Variants in RNF138 observed in about 807,000 individuals in gnomAD.
RNF138 encodes the protein E3 ubiquitin-protein ligase RNF138.
Under a neutral mutation model 31.0 loss-of-function variants are expected in RNF138, and 12 were observed. The observed-to-expected ratio is 0.39, with a 90% CI of 0.25 to 0.63. RNF138 has a LOEUF of 0.63. Among genes scored for constraint, RNF138 ranks in the 20% least tolerant of loss-of-function variants. The pLI, the probability that RNF138 is intolerant of heterozygous loss-of-function variation, is 0.52. For synonymous variants in RNF138, 105 were observed against 99.5 expected (o/e 1.06, Z -0.33); for missense variants, 192 against 300.1 (o/e 0.64, Z 2.66).
At chr18:32,117,048 CCCA>C (rs2040228959) in intron 4 of RNF138, among the ~76,000 whole-genome samples, 1 of 151,746 alleles carries the variant, frequency 6.6e-6, no homozygotes, top group African/African-American at 2.4e-5. Flanking sequence ...ATTACAGGTG[CCCA>C]CCACCACGCC....
At chr18:32,109,154 TTTC>T (rs1323068182) in intron 2 of RNF138, among the ~76,000 whole-genome samples, 4 of 134,658 alleles carry the variant, frequency 3.0e-5, no homozygotes, top group East Asian at 2.2e-4. Context: ...TGTCTTTTTC[TTTC>T]TTTTTTTTTT....
chr18:32,130,799 T>C lies in RNF138; in HGVS notation c.*1612T>C, dbSNP rs1236233590. ...GTAATAACAACCACAAGAAAAGCCA[T>C]ACATCTTAATGAACATACGCCTTTG... is the stretch of plus-strand genomic sequence containing the variant. On this transcript the variant is annotated 3_prime_UTR_variant, in exon 8 of 8. Coordinates refer to ENST00000261593, the MANE Select transcript of RNF138 (RefSeq NM_016271.5). 2.6e-5 allele frequency: 4 copies of C among 152,482 alleles called. No homozygotes were observed. The highest frequency in any genetic ancestry group is 4.4e-5 in the Non-Finnish European group (3 of 67,904). 9.4% of individuals were successfully genotyped at this position (152,482 alleles called of 1,614,324 possible). A position where few individuals can be genotyped will look rare whatever the true frequency, so the allele number is the denominator to read the frequency against.
At position 32,092,842 on chromosome 18, in the gene RNF138, G is replaced by A. The variant is rs763600563; in HGVS notation, c.66G>A (p.Gln22=). The change falls in exon 2 of 8, where the codon CAG becomes CAA. Residue 22 remains glutamine, a synonymous_variant. Coordinates refer to ENST00000261593, the MANE Select transcript of RNF138 (RefSeq NM_016271.5). ...ATGATTTCTACTGCCCCGTCTGTCA[G>A]GAGGTGCTCAAAACGCCCGTGCGGA... is the stretch of plus-strand genomic sequence containing the variant. ...TEDDFYCPVC[Q]EVLKTPVRTT... The A allele has an allele frequency of 2.5e-6, 4 of 1,596,016 alleles. 1 individual carries two copies. In the South Asian group the frequency reaches 4.6e-5, roughly 18 times the overall value.
At chr18:32,104,319 T>G (rs2039993046) in intron 2 of RNF138, among the ~76,000 whole-genome samples, 1 of 151,522 alleles carries the variant, frequency 6.6e-6, no homozygotes, top group Admixed American at 6.6e-5. Context: ...GGCCTAAAAG[T>G]TTAAAAAAAA....
intron 3 of RNF138, among the ~76,000 whole-genome samples, chr18:32,113,424 T>C (rs2040166105): frequency 6.6e-6 from 1 of 152,166 alleles, no homozygotes; most frequent in Non-Finnish European, 1.5e-5. Context: ...TAATAAGACA[T>C]GCCCAATAGC....
At chr18:32,128,390 TAGCTGGG>T (rs2040417346) in intron 7 of RNF138, among the ~76,000 whole-genome samples, 3 of 152,200 alleles carry the variant, frequency 2.0e-5, no homozygotes, top group Admixed American at 1.3e-4. Flanking sequence ...ATACAAAAAT[TAGCTGGG>T]TGTGGTGGTA....
At chr18:32,125,049 G>A (rs2040363016) in intron 6 of RNF138, 2 of 501,798 alleles carry the variant, frequency 4.0e-6, no homozygotes, top group Admixed American at 6.4e-5. Flanking sequence ...TATAAAAAGG[G>A]AGATGCATAG....
intron 4 of RNF138, among the ~76,000 whole-genome samples, chr18:32,116,403 C>CTTTTT (rs930732380): frequency 1.3e-5 from 2 of 151,336 alleles, no homozygotes; most frequent in Non-Finnish European, 2.9e-5. Flanking sequence ...CTAGAATGAG[C>CTTTTT]TTTTTAGTCT....
In RNF138 at chr18:32,091,898, C is replaced by T. The variant is rs1188670636; in HGVS notation, c.-415C>T. ...CGCCGTGCGCCGGTTGCTATACAGG[C>T]CGCACTTCACACCCCGTGCCTCCCC... On this transcript the variant is annotated 5_prime_UTR_variant, in exon 1 of 8. Coordinates refer to ENST00000261593, the MANE Select transcript of RNF138 (RefSeq NM_016271.5). 6.6e-6 allele frequency: 1 copy of T among 152,248 alleles called. No homozygotes were observed. Among genetic ancestry groups the T allele is most frequent in the Non-Finnish European group, 1.5e-5 (1 of 68,090 alleles). The allele number at this position is 152,248 out of a possible 1,614,324, so 9.4% of individuals were successfully genotyped here.
At chr18:32,102,493 G>T (rs912290754) in intron 2 of RNF138, among the ~76,000 whole-genome samples, 2 of 151,970 alleles carry the variant, frequency 1.3e-5, no homozygotes, top group African/African-American at 2.4e-5. Flanking sequence ...GAGCCACTGT[G>T]CCTGGCCCTT....
chr18:32,109,706 G>A (rs1264150532), intron 2 of RNF138, among the ~76,000 whole-genome samples: 1 of 152,128 alleles, frequency 6.6e-6, no homozygotes, highest in Non-Finnish European at 1.5e-5. Context: ...TGAGCAACTG[G>A]CAAAATCCCA....
intron 2 of RNF138, chr18:32,109,432 A>G (rs1423020068): frequency 6.6e-6 from 1 of 151,930 alleles, no homozygotes; most frequent in African/African-American, 2.4e-5. Context: ...GTGCCTGGCC[A>G]TTGTTTTATT....
chr18:32,094,842 C>G (rs1412732527), intron 2 of RNF138, among the ~76,000 whole-genome samples: 1 of 152,120 alleles, frequency 6.6e-6, no homozygotes, highest in Non-Finnish European at 1.5e-5. Flanking sequence ...TCCTTTGGGT[C>G]ATTGACCTAA....
intron 7 of RNF138, among the ~76,000 whole-genome samples, chr18:32,127,881 C>A (rs2040407449): frequency 6.6e-6 from 1 of 151,824 alleles, no homozygotes; most frequent in Non-Finnish European, 1.5e-5. Flanking sequence ...GAGATTGAGA[C>A]CATCCTGGCT....
At chr18:32,094,493 T>C (rs1216133282) in intron 2 of RNF138, among the ~76,000 whole-genome samples, 5 of 152,142 alleles carry the variant, frequency 3.3e-5, no homozygotes, top group Non-Finnish European at 7.3e-5. Context: ...CTTAGGGAAA[T>C]GTTTTGAGGG....
At chr18:32,097,544 T>C (rs1244288088) in intron 2 of RNF138, among the ~76,000 whole-genome samples, 2 of 152,046 alleles carry the variant, frequency 1.3e-5, no homozygotes, top group Non-Finnish European at 2.9e-5. Flanking sequence ...AGTGCAGTGG[T>C]GGGATCTTGG....
chr18:32,103,828 C>T lies in RNF138; in HGVS notation c.111-7926C>T, dbSNP rs973838782. ...AATACAAAAAAAAATTAGCCGGGCG[C>T]GGTGGCGGGCACCTGTAGTCCCAGC... On this transcript the variant is annotated intron_variant, in intron 2 of 7. Coordinates refer to ENST00000261593, the MANE Select transcript of RNF138 (RefSeq NM_016271.5). 3.4e-5 allele frequency among the ~76,000 whole-genome samples: 5 copies of T among 145,730 alleles called. No homozygotes were observed. In the South Asian group the frequency reaches 6.7e-4, roughly 19 times the overall value.
intron 2 of RNF138, among the ~76,000 whole-genome samples, chr18:32,093,451 C>CAAAACG (rs2039746039): frequency 1.1e-4 from 17 of 152,212 alleles, no homozygotes; most frequent in Admixed American, 1.1e-3. Context: ...TCACAGAACA[C>CAAAACG]CCTCGAGAGC....
chr18:32,128,952 A>G (rs1375157913), intron 7 of RNF138, among the ~76,000 whole-genome samples, 167 bp from the exon 8 acceptor site: 1 of 152,214 alleles, frequency 6.6e-6, no homozygotes, highest in Non-Finnish European at 1.5e-5. Flanking sequence ...AGGTATTCAA[A>G]TCTTGTATCT....
Sources: allele counts gnomAD v4.1 joint callset (sites outside exome capture counted in the v4.1 genomes callset), GRCh38; gene constraint gnomAD v4.1.1; transcripts MANE v1.5; gene names NCBI Gene and HGNC (gene_info 2026-07-23, HGNC 2026-07-21).